Variants in CRACR2A observed in about 807,000 individuals in gnomAD.
CRACR2A encodes the protein EF-hand calcium-binding domain-containing protein 4B.
Under a neutral mutation model 90.5 loss-of-function variants are expected in CRACR2A, and 79 were observed. The observed-to-expected ratio is 0.87, with a 90% CI of 0.73 to 1.05. The LOEUF (loss-of-function observed/expected upper bound fraction) is 1.05. Ranked by LOEUF, CRACR2A falls within the 50% of genes least tolerant of loss-of-function variation. CRACR2A has a pLI of 0.00. For synonymous variants in CRACR2A, 338 were observed against 356.7 expected, an observed-to-expected ratio of 0.95 and a Z score of 0.59; for missense variants, 823 against 897.2, an observed-to-expected ratio of 0.92 and a Z score of 1.06.
chr12:3,695,825 C>T (rs887266943), intron 4 of CRACR2A, among the ~76,000 whole-genome samples: 1 of 152,198 alleles, frequency 6.6e-6, no homozygotes, highest in African/African-American at 2.4e-5. Flanking sequence ...TTTATTCACC[C>T]ATGTTCAAGT....
chr12:3,668,053 G>A (rs1179020791), intron 7 of CRACR2A, among the ~76,000 whole-genome samples: 1 of 152,158 alleles, frequency 6.6e-6, no homozygotes, highest in African/African-American at 2.4e-5. Context: ...TTATTAGTCA[G>A]GTTTACAAAT....
chr12:3,713,395 G>T, intron 2 of CRACR2A, 78 bp from the exon 3 acceptor site: 1 of 737,164 alleles, frequency 1.4e-6, no homozygotes, highest in Non-Finnish European at 1.7e-6. Flanking sequence ...TAGCAATTTT[G>T]GAAAAACTTG....
intron 13 of CRACR2A, among the ~76,000 whole-genome samples, chr12:3,640,966 C>A (rs1944556488): frequency 6.6e-6 from 1 of 152,184 alleles, no homozygotes; most frequent in Admixed American, 6.5e-5. Context: ...AAGCCCTAGC[C>A]TTGTCTGTAA....
At chr12:3,636,894 G>A (rs1437272850) in intron 14 of CRACR2A, among the ~76,000 whole-genome samples, 3 of 152,042 alleles carry the variant, frequency 2.0e-5, no homozygotes, top group African/African-American at 7.2e-5. Context: ...CAGCCACTGG[G>A]AAAAGTTCAA....
intron 13 of CRACR2A, among the ~76,000 whole-genome samples, chr12:3,638,889 G>A (rs919146665): frequency 7.9e-5 from 12 of 152,190 alleles, no homozygotes; most frequent in East Asian, 1.9e-4. Context: ...AAGCGCCCCC[G>A]ATTAACATTA....
chr12:3,679,469 A>G (rs914242927), intron 5 of CRACR2A, among the ~76,000 whole-genome samples: 2 of 152,096 alleles, frequency 1.3e-5, no homozygotes, highest in Non-Finnish European at 2.9e-5. Context: ...AGAGGCTCCT[A>G]TTGTCATCCT....
At chr12:3,726,826 A>G (rs1591715036) in intron 2 of CRACR2A, 2 of 151,872 alleles carry the variant, frequency 1.3e-5, no homozygotes, top group Non-Finnish European at 2.9e-5. Flanking sequence ...TTCGGTCTTT[A>G]GCAGTAAAGA....
At chr12:3,709,259 T>C (rs1010066387) in intron 3 of CRACR2A, among the ~76,000 whole-genome samples, 9 of 152,242 alleles carry the variant, frequency 5.9e-5, no homozygotes, top group Non-Finnish European at 1.2e-4. Flanking sequence ...TACTTAATTT[T>C]TGAAGCAGAA....
chr12:3,676,135 C>T (rs1945332130), intron 6 of CRACR2A, among the ~76,000 whole-genome samples: 1 of 151,904 alleles, frequency 6.6e-6, no homozygotes, highest in African/African-American at 2.4e-5. Flanking sequence ...CACCCATTTC[C>T]TTATTAACTC....
At chr12:3,639,828 C>T (rs1438502716) in intron 13 of CRACR2A, among the ~76,000 whole-genome samples, 1 of 145,828 alleles carries the variant, frequency 6.9e-6, no homozygotes, top group Non-Finnish European at 1.5e-5. Flanking sequence ...CTTATAAAAA[C>T]AGTTTTAAAA....
intron 3 of CRACR2A, among the ~76,000 whole-genome samples, chr12:3,707,907 G>C (rs1422995388): frequency 6.6e-6 from 1 of 152,198 alleles, no homozygotes; most frequent in Non-Finnish European, 1.5e-5. Flanking sequence ...AGCAAGTAAA[G>C]TAACACTATC....
In CRACR2A at chr12:3,711,671, T is replaced by C. The variant is rs1198960888; in HGVS notation, c.-37+1566A>G. Among the ~76,000 whole-genome samples the C allele has an allele frequency of 6.6e-6, 1 of 152,190 alleles. No individual in the cohort carries two copies. Among genetic ancestry groups the C allele is most frequent in the Non-Finnish European group, 1.5e-5 (1 of 68,036 alleles). On this transcript the variant is annotated intron_variant, in intron 3 of 19. Transcript: ENST00000440314. The surrounding 1 kb of genome is among the most constrained non-coding windows in gnomAD (Gnocchi z 4.3). ...TTCTGAGCCCTCACCAGAACCACCT[T>C]TAAAAGTCAGGTCATGGCAATGTAG...
chr12:3,694,721 G>A (rs17836295), intron 4 of CRACR2A, among the ~76,000 whole-genome samples: 20,722 of 152,182 alleles, frequency 0.14, 1,591 homozygotes, highest in Admixed American at 0.22. Flanking sequence ...GTGGCCAGCC[G>A]AAGCAGCCAG....
rs148956847 is a variant in CRACR2A, at chr12:3,647,124, G to A, written c.1118+1418C>T. Among the ~76,000 whole-genome samples the A allele has an allele frequency of 5.6e-4, 85 of 152,068 alleles. 2 individuals are homozygous for A. The highest frequency in any genetic ancestry group is 2.0e-3 in the African/African-American group (82 of 41,484). Reference sequence around the variant, plus strand: ...TTCGGATGGCAGCCCTTCTCACCCCGTCACACCCCAGCTGTTGTCCTGATT... The same window carrying A: ...TTCGGATGGCAGCCCTTCTCACCCCATCACACCCCAGCTGTTGTCCTGATT... On this transcript the variant is annotated intron_variant, in intron 11 of 19. Transcript: ENST00000440314.
intron 3 of CRACR2A, among the ~76,000 whole-genome samples, chr12:3,710,206 T>C (rs2137763977): frequency 6.6e-6 from 1 of 152,304 alleles, no homozygotes; most frequent in African/African-American, 2.4e-5. Flanking sequence ...TCCAAAGTAT[T>C]TCCTGTTCTC....
chr12:3,681,032 T>C (rs1019063542), intron 4 of CRACR2A, among the ~76,000 whole-genome samples: 2 of 152,184 alleles, frequency 1.3e-5, no homozygotes, highest in Admixed American at 6.5e-5. Flanking sequence ...CTAAGCCCCC[T>C]TTCCTCTCCC....
At chr12:3,693,450 G>A (rs1284560364) in intron 4 of CRACR2A, among the ~76,000 whole-genome samples, 2 of 152,238 alleles carry the variant, frequency 1.3e-5, no homozygotes, top group Non-Finnish European at 2.9e-5. Flanking sequence ...TAGGACTAAA[G>A]TCTCCTGTGG....
chr12:3,676,797 T>C (rs73049108), intron 6 of CRACR2A, among the ~76,000 whole-genome samples: 23,308 of 151,962 alleles, frequency 0.15, 1,949 homozygotes, highest in South Asian at 0.27. Context: ...ATGAAGTAAA[T>C]GCATTGTAAA....
In CRACR2A at chr12:3,644,049, C is replaced by CATATATAT. The variant is rs71441831; in HGVS notation, c.1164+538_1164+545dup. Among the ~76,000 whole-genome samples, 15 of 133,668 alleles carry CATATATAT rather than the reference C, an allele frequency of 1.1e-4. No homozygotes were observed. The East Asian group carries it at 1.6e-3, about 14-fold the overall frequency. The allele number at this position is 133,668 out of a possible 152,430, so 87.7% of individuals were successfully genotyped here. On this transcript the variant is annotated intron_variant, in intron 12 of 19. Transcript: ENST00000440314. Reference sequence around the variant, plus strand: ...TTAGCAGTTTTGTGATTCTACGACTCATATATATATATATATATGCACACA... The same window carrying CATATATAT: ...TTAGCAGTTTTGTGATTCTACGACTCATATATATATATATATATATATATATGCACACA...
Sources: gnomAD v4.1 joint callset for allele counts (sites outside exome capture counted in the v4.1 genomes callset) on GRCh38, gnomAD v4.1.1 for gene constraint, Gnocchi (gnomAD v3.1) non-coding constraint, MANE v1.5 for transcripts, NCBI Gene and HGNC (gene_info 2026-07-23, HGNC 2026-07-21) for gene names.